Variants in INVS observed in about 807,000 individuals in gnomAD.
The protein encoded by INVS is inversin, also known as inversion of embryo turning homolog.
In INVS, 86 loss-of-function variants were observed where a neutral mutation model predicts 108.8. The ratio of observed to expected loss-of-function variants is 0.79; its 90% CI spans 0.66 to 0.95. The LOEUF is 0.95. Among genes scored for constraint, INVS ranks in the 40% least tolerant of loss-of-function variants. The pLI, the probability that INVS is intolerant of heterozygous loss-of-function variation, is 0.00. For missense variants in INVS, 1,169 were observed against 1,297.4 expected, an observed-to-expected ratio of 0.90 and a Z score of 1.52; for synonymous variants, 455 against 473.5, an observed-to-expected ratio of 0.96 and a Z score of 0.51.
At chr9:100,268,421 T>C (rs1396052428) in intron 11 of INVS, among the ~76,000 whole-genome samples, 1 of 152,208 alleles carries the variant, frequency 6.6e-6, no homozygotes, top group African/African-American at 2.4e-5. Context: ...CATCAGTATG[T>C]TCCCTTAACG....
intron 3 of INVS, among the ~76,000 whole-genome samples, chr9:100,161,378 A>AC (rs1564138742): frequency 3.8e-4 from 43 of 114,592 alleles, no homozygotes; most frequent in African/African-American, 1.0e-3. Context: ...AAAAAAAAAA[A>AC]AAAAAAAAAA....
chr9:100,148,915 A>G (rs1828717229), intron 3 of INVS, among the ~76,000 whole-genome samples: 1 of 152,182 alleles, frequency 6.6e-6, no homozygotes, highest in Non-Finnish European at 1.5e-5. Context: ...TGTTATGTAA[A>G]TGAACTAATA....
At chr9:100,186,909 G>T (rs1000024434) in intron 3 of INVS, among the ~76,000 whole-genome samples, 2 of 151,762 alleles carry the variant, frequency 1.3e-5, no homozygotes, top group African/African-American at 4.8e-5. Context: ...TGCTTTGGGG[G>T]GTCTTAGTCA....
chr9:100,113,931 G>T (rs1346066603), intron 2 of INVS, among the ~76,000 whole-genome samples: 1 of 152,132 alleles, frequency 6.6e-6, no homozygotes, highest in Non-Finnish European at 1.5e-5. Flanking sequence ...TTCAGGCCAA[G>T]ATACCTTGGA....
At chr9:100,243,247 T>C (rs1831936154) in intron 7 of INVS, among the ~76,000 whole-genome samples, 1 of 152,218 alleles carries the variant, frequency 6.6e-6, no homozygotes, top group Non-Finnish European at 1.5e-5. Context: ...GCTAGAATCT[T>C]GTCTGTGCAG....
chr9:100,151,924 A>G (rs1441122896), intron 3 of INVS, among the ~76,000 whole-genome samples: 2 of 152,202 alleles, frequency 1.3e-5, no homozygotes, highest in African/African-American at 4.8e-5. Flanking sequence ...CAGCTGATTC[A>G]TATTTAAGAT....
chr9:100,148,513 A>G lies in INVS; in HGVS notation c.273+21964A>G, dbSNP rs1313213952. On this transcript the variant is annotated intron_variant, in intron 3 of 16. Transcript: ENST00000262457. ...ACATAAGGTAACTTCAAGTTTACAA[A>G]GGATATAATGCCATAGGCAACAAGC... Among the ~76,000 whole-genome samples, 3 of 152,204 alleles carry G rather than the reference A, an allele frequency of 2.0e-5. 1 individual carries two copies. Among genetic ancestry groups the G allele is most frequent in the African/African-American group, 7.2e-5 (3 of 41,468 alleles).
chr9:100,147,766 G>T (rs1215802961), intron 3 of INVS, among the ~76,000 whole-genome samples: 1 of 152,122 alleles, frequency 6.6e-6, no homozygotes, highest in Admixed American at 6.5e-5. Flanking sequence ...AGGGAACTGT[G>T]AAAAGAATGA....
chr9:100,120,843 T>C (rs1464291596), intron 2 of INVS: 2 of 152,160 alleles, frequency 1.3e-5, no homozygotes, highest in Admixed American at 6.5e-5. Flanking sequence ...GAATCTTTCT[T>C]TGGTGAGCAT....
intron 14 of INVS, among the ~76,000 whole-genome samples, chr9:100,294,146 C>T (rs950328677): frequency 5.3e-5 from 8 of 152,064 alleles, no homozygotes; most frequent in African/African-American, 1.4e-4. Flanking sequence ...CCAGCCTGGG[C>T]GACAGAGTGA....
chr9:100,153,263 TAA>T (rs11288499), intron 3 of INVS, among the ~76,000 whole-genome samples: 348 of 142,610 alleles, frequency 2.4e-3, no homozygotes, highest in Middle Eastern at 7.1e-3. Flanking sequence ...CAAGCAAAGT[TAA>T]AAAAAAAAAA....
chr9:100,276,763 G>A (rs772233876), intron 12 of INVS, among the ~76,000 whole-genome samples: 4 of 152,066 alleles, frequency 2.6e-5, no homozygotes, highest in African/African-American at 4.8e-5. Flanking sequence ...CCTCAGCCTC[G>A]CAAAGAGCTG....
At chr9:100,122,820 A>G (rs1317863342) in intron 2 of INVS, among the ~76,000 whole-genome samples, 2 of 151,800 alleles carry the variant, frequency 1.3e-5, no homozygotes, top group South Asian at 2.1e-4. Flanking sequence ...TCCTGACCTC[A>G]TGATTCGCCC....
intron 1 of INVS, among the ~76,000 whole-genome samples, chr9:100,104,280 C>T (rs1827100435): frequency 6.6e-6 from 1 of 152,130 alleles, no homozygotes; most frequent in Non-Finnish European, 1.5e-5. Context: ...GCCCAGGCTG[C>T]TCTCAAACTT....
At chr9:100,219,879 T>C (rs1831093089) in intron 3 of INVS, among the ~76,000 whole-genome samples, 1 of 142,854 alleles carries the variant, frequency 7.0e-6, no homozygotes. Context: ...ATGTCGTTTA[T>C]GGATATATAT....
chr9:100,140,543 T>C (rs989630895), intron 3 of INVS, among the ~76,000 whole-genome samples: 32 of 152,160 alleles, frequency 2.1e-4, no homozygotes, highest in Non-Finnish European at 3.1e-4. Context: ...TGTGTACGTG[T>C]AGGTCACAGG....
rs1239571073 is a variant in INVS, at chr9:100,104,582, G to A, written c.61G>A (p.Ala21Thr). The change falls in exon 2 of 17, where the codon GCT becomes ACT. Residue 21 changes from alanine (A) to threonine (T), a missense_variant. Ala to Thr is a moderately conservative substitution (Grantham distance 58). This residue lies in a region of INVS where 365 missense variants were observed against 397.5 expected (regional missense o/e 0.92). Coordinates refer to ENST00000262457, the MANE Select transcript of INVS (RefSeq NM_014425.5). ...ATCATTAGCATCACAAGTCCATGCT[G>A]CTGCCGTTAATGGAGATAAGGGTGC... Reference protein sequence around the residue: ...GSSLASQVHAAAVNGDKGALQ... With the variant: ...GSSLASQVHATAVNGDKGALQ... The A allele has an allele frequency of 6.2e-7, 1 of 1,614,002 alleles. No individual in the cohort carries two copies. The highest frequency in any genetic ancestry group is 2.2e-5 in the East Asian group (1 of 44,896).
At position 100,301,664 on chromosome 9, in the gene INVS, G is replaced by C. The variant is rs1380362787; in HGVS notation, c.*990G>C. Reference sequence around the variant, plus strand: ...GCTGCTGTGAGAATATTGACAGTAGGCATAAACAGTGATATATTTTACTCA... The same window carrying C: ...GCTGCTGTGAGAATATTGACAGTAGCCATAAACAGTGATATATTTTACTCA... On this transcript the variant is annotated 3_prime_UTR_variant, in exon 17 of 17. Coordinates refer to ENST00000262457, the MANE Select transcript of INVS (RefSeq NM_014425.5). Among the ~76,000 whole-genome samples the C allele has an allele frequency of 3.3e-5, 5 of 152,124 alleles. No homozygotes were observed. Among genetic ancestry groups the C allele is most frequent in the Non-Finnish European group, 7.4e-5 (5 of 68,020 alleles).
At chr9:100,227,261 G>A (rs1189563052) in intron 4 of INVS, among the ~76,000 whole-genome samples, 4 of 152,168 alleles carry the variant, frequency 2.6e-5, no homozygotes, top group Non-Finnish European at 5.9e-5. Context: ...GTAAGCAAAA[G>A]TAGTAAGTTA....
Sources: gnomAD v4.1 joint callset for allele counts (sites outside exome capture counted in the v4.1 genomes callset) on GRCh38, gnomAD v4.1.1 for gene constraint, gnomAD v4.1.1 regional missense constraint, MANE v1.5 for transcripts, NCBI Gene and HGNC (gene_info 2026-07-23, HGNC 2026-07-21) for gene names.